SCIN: variants seen among roughly 807,000 people sequenced by gnomAD.
The protein encoded by SCIN is adseverin.
A neutral mutation model predicts 91.8 loss-of-function variants in SCIN; 91 were observed. The ratio of observed to expected loss-of-function variants is 0.99; its 90% CI spans 0.84 to 1.18. The LOEUF (loss-of-function observed/expected upper bound fraction) is 1.18, where lower values mean the gene tolerates loss of function less well. Ranked by LOEUF, SCIN falls within the 50% of genes most tolerant of loss-of-function variation. The pLI, the probability that SCIN is intolerant of heterozygous loss-of-function variation, is 0.00. For synonymous variants in SCIN, 367 were observed against 312.6 expected, an observed-to-expected ratio of 1.17 and a Z score of -1.84; for missense variants, 1,087 against 863.9, an observed-to-expected ratio of 1.26 and a Z score of -3.24.
chr7:12,572,342 T>C (rs138324237), intron 1 of SCIN, among the ~76,000 whole-genome samples: 1,793 of 152,342 alleles, frequency 0.012, 47 homozygotes, highest in African/African-American at 0.041. Context: ...TAATACACAG[T>C]CATCTATTTG....
At chr7:12,598,425 C>T (rs1016549574) in intron 3 of SCIN, among the ~76,000 whole-genome samples, 3 of 152,102 alleles carry the variant, frequency 2.0e-5, no homozygotes, top group African/African-American at 7.2e-5. Context: ...TAAAACTACA[C>T]ACACTTACTT....
At chr7:12,590,427 G>C (rs930335664) in intron 3 of SCIN, among the ~76,000 whole-genome samples, 8 of 151,926 alleles carry the variant, frequency 5.3e-5, no homozygotes, top group African/African-American at 1.9e-4. Flanking sequence ...GTGAATAGAT[G>C]GGGGGAGGAG....
rs1474578840 is a variant in SCIN at position 12,651,326 on chromosome 7, G to C, written c.1960-515G>C. On this transcript the variant is annotated intron_variant, in intron 14 of 15. Transcript: ENST00000297029. The surrounding 1 kb of genome is among the most constrained non-coding windows in gnomAD (Gnocchi z 5.9). ...TCTTCCCTAGATCCCGAAAAGGGAG[G>C]GCCTCAAAGAAAGTCCGGCTGCACC... Among the ~76,000 whole-genome samples, 1 of 152,106 alleles carries C rather than the reference G, an allele frequency of 6.6e-6. No individual in the cohort carries two copies. The highest frequency in any genetic ancestry group is 2.4e-5 in the African/African-American group (1 of 41,404).
At chr7:12,574,887 AT>A (rs1782338866) in intron 1 of SCIN, among the ~76,000 whole-genome samples, 1 of 152,086 alleles carries the variant, frequency 6.6e-6, no homozygotes, top group Non-Finnish European at 1.5e-5. Context: ...CCTTACTGTG[AT>A]TTTGGTAAGA....
At chr7:12,571,795 G>T (rs1413352491) in intron 1 of SCIN, among the ~76,000 whole-genome samples, 2 of 152,154 alleles carry the variant, frequency 1.3e-5, no homozygotes, top group African/African-American at 2.4e-5. Flanking sequence ...AGCTGCGTTC[G>T]TGCCAGGCTG....
chr7:12,643,907 G>A (rs1783904075), intron 11 of SCIN, among the ~76,000 whole-genome samples: 1 of 152,176 alleles, frequency 6.6e-6, no homozygotes. Context: ...TGGTCAGACA[G>A]TTCTCACAGA....
intron 9 of SCIN, among the ~76,000 whole-genome samples, chr7:12,631,618 A>T (rs1439509690): frequency 6.6e-6 from 1 of 151,898 alleles, no homozygotes; most frequent in African/African-American, 2.4e-5. Flanking sequence ...GGCATACTCA[A>T]CCCCCTCACT....
At chr7:12,627,990 G>A (rs1468216865) in intron 8 of SCIN, among the ~76,000 whole-genome samples, 3 of 151,948 alleles carry the variant, frequency 2.0e-5, no homozygotes, top group Non-Finnish European at 2.9e-5. Flanking sequence ...TCAAAGCAAA[G>A]AGTCTGCCCT....
Position 12,631,219 on chromosome 7 carries a change from G to A in SCIN, c.1319+1997G>A, listed in dbSNP as rs564400368. The stretch of plus-strand genomic sequence containing the variant: ...CTTGTATCATTTGAAAGTGTTTATT[G>A]AGCACTTTATGTGCCAAGCATTGTA... On this transcript the variant is annotated intron_variant, in intron 9 of 15. Coordinates refer to ENST00000297029, the MANE Select transcript of SCIN (RefSeq NM_001112706.3). Among the ~76,000 whole-genome samples, 8 of 152,120 alleles carry A rather than the reference G, an allele frequency of 5.3e-5. No homozygotes were observed. In the South Asian group the frequency reaches 1.7e-3, roughly 32 times the overall value.
At chr7:12,597,887 T>C (rs1006568232) in intron 3 of SCIN, among the ~76,000 whole-genome samples, 25 of 152,230 alleles carry the variant, frequency 1.6e-4, no homozygotes, top group Non-Finnish European at 3.5e-4. Flanking sequence ...ATATACAATA[T>C]GTACATCAGC....
chr7:12,579,378 A>G (rs1782442784), intron 2 of SCIN, among the ~76,000 whole-genome samples: 1 of 152,178 alleles, frequency 6.6e-6, no homozygotes, highest in South Asian at 2.1e-4. Flanking sequence ...GAGCTCCTAC[A>G]GTTTATGACA....
At chr7:12,578,394 G>A (rs1350421955) in intron 2 of SCIN, among the ~76,000 whole-genome samples, 176 bp downstream of exon 2, 2 of 152,132 alleles carry the variant, frequency 1.3e-5, no homozygotes, top group African/African-American at 4.8e-5. Flanking sequence ...CAAAGTAGGT[G>A]TTCAATAAAT....
chr7:12,604,691 G>A (rs766945801), intron 4 of SCIN, 28 bp downstream of exon 4: 16 of 1,541,644 alleles, frequency 1.0e-5, no homozygotes, highest in Middle Eastern at 3.4e-4. Flanking sequence ...GTTTGTTAAA[G>A]GGTTACCACT....
Position 12,649,910 on chromosome 7 carries a change from G to A in SCIN, c.1959+366G>A, listed in dbSNP as rs151026727. The stretch of plus-strand genomic sequence containing the variant: ...CATTGAGGAAACCGACATATTCAAA[G>A]TTTCTTTTGAAATTTGACAAGAAGT... On this transcript the variant is annotated intron_variant, in intron 14 of 15. Transcript: ENST00000297029. Among the ~76,000 whole-genome samples the A allele has an allele frequency of 6.5e-3, 983 of 152,258 alleles. 12 individuals are homozygous for A. Among genetic ancestry groups the A allele is most frequent in the African/African-American group, 0.022 (924 of 41,548 alleles).
Position 12,625,378 on chromosome 7 carries a change from G to A in SCIN, c.892+236G>A, listed in dbSNP as rs190214886. On this transcript the variant is annotated intron_variant, in intron 6 of 15. Coordinates refer to ENST00000297029, the MANE Select transcript of SCIN (RefSeq NM_001112706.3). ...TAAAAAGAATTGTTTTACAAATAAC[G>A]TTTTTTCCTGTATTGTTAAATACAC... 6.4e-5 allele frequency among the ~76,000 whole-genome samples: 9 copies of A among 139,566 alleles called. No individual in the cohort carries two copies. The East Asian group carries it at 8.5e-4, about 13-fold the overall frequency. The allele number at this position is 139,566 out of a possible 152,430, so 91.6% of individuals were successfully genotyped here. A position where few individuals can be genotyped will look rare whatever the true frequency, so the allele number is the denominator to read the frequency against.
At position 12,624,327 on chromosome 7, in the gene SCIN, A is replaced by G. The variant is rs535950713; in HGVS notation, c.760-683A>G. ...TGAAAACCAGTAAATCCTAACCTGCACATGAATATCACTTTCAATTTTGTA... is the reference window on the plus strand; with the variant it reads ...TGAAAACCAGTAAATCCTAACCTGCGCATGAATATCACTTTCAATTTTGTA... On this transcript the variant is annotated intron_variant, in intron 5 of 15. Coordinates refer to ENST00000297029, the MANE Select transcript of SCIN (RefSeq NM_001112706.3). Among the ~76,000 whole-genome samples, 14 of 152,364 alleles carry G rather than the reference A, an allele frequency of 9.2e-5. No homozygotes were observed. The South Asian group carries it at 2.7e-3, about 29-fold the overall frequency.
intron 3 of SCIN, among the ~76,000 whole-genome samples, chr7:12,604,115 A>G (rs1047019659): frequency 6.6e-6 from 1 of 152,102 alleles, no homozygotes; most frequent in Admixed American, 6.5e-5. Context: ...TGTATTTGTC[A>G]ATTTAAAAAC....
At chr7:12,603,869 C>T (rs1004097516) in intron 3 of SCIN, among the ~76,000 whole-genome samples, 5 of 151,212 alleles carry the variant, frequency 3.3e-5, no homozygotes, top group African/African-American at 7.3e-5. Context: ...CAAGGCCTCA[C>T]CAATATAATT....
intron 1 of SCIN, among the ~76,000 whole-genome samples, chr7:12,575,446 A>G (rs199899029): frequency 6.6e-6 from 1 of 152,006 alleles, no homozygotes; most frequent in East Asian, 1.9e-4. Context: ...TGGGAAAAAC[A>G]TTTAGTCTTT....
Sources: gnomAD v4.1 joint callset for allele counts (sites outside exome capture counted in the v4.1 genomes callset) on GRCh38, gnomAD v4.1.1 for gene constraint, Gnocchi (gnomAD v3.1) non-coding constraint, MANE v1.5 for transcripts, NCBI Gene and HGNC (gene_info 2026-07-23, HGNC 2026-07-21) for gene names.